Variants in GLIPR2 observed in about 807,000 individuals in gnomAD.
GLIPR2 encodes GLI pathogenesis related 2.
Under a neutral mutation model 20.4 loss-of-function variants are expected in GLIPR2, and 21 were observed. That is an observed-to-expected ratio of 1.03 (90% CI 0.73 to 1.48). GLIPR2 has a LOEUF of 1.48. Ranked by LOEUF, GLIPR2 falls within the 40% of genes most tolerant of loss-of-function variation. The pLI is 0.00. For synonymous variants in GLIPR2, 91 were observed against 80.5 expected (o/e 1.13, Z -0.70); for missense variants, 205 against 200.1 (o/e 1.02, Z -0.15).
rs577054523 is a variant in GLIPR2, at chr9:36,139,417, G to C, written c.13+2626G>C. 1.1e-4 allele frequency among the ~76,000 whole-genome samples: 16 copies of C among 152,160 alleles called. No individual in the cohort carries two copies. The South Asian group carries it at 2.3e-3, about 22-fold the overall frequency. ...TCCCCCACCCCAACCGGAAAACCGA[G>C]AGCCCCCAGAATAGTATTAATATCT... On this transcript the variant is annotated intron_variant, in intron 1 of 4. Transcript: ENST00000377960.
intron 1 of GLIPR2, among the ~76,000 whole-genome samples, chr9:36,141,587 G>C (rs1224857326): frequency 6.6e-6 from 1 of 152,174 alleles, no homozygotes; most frequent in African/African-American, 2.4e-5. Context: ...GGAAGATGCT[G>C]AGGGAAGAGC....
At chr9:36,145,460 G>A (rs1158666073) in intron 1 of GLIPR2, among the ~76,000 whole-genome samples, 1 of 152,338 alleles carries the variant, frequency 6.6e-6, no homozygotes, top group Non-Finnish European at 1.5e-5. Flanking sequence ...AGCAACACAT[G>A]GCTGACTTGT....
Position 36,163,137 on chromosome 9 carries a change from A to T in GLIPR2, c.*615A>T, listed in dbSNP as rs1278557147. The T allele has an allele frequency of 1.1e-5, 3 of 269,716 alleles. No individual in the cohort carries two copies. The highest frequency in any genetic ancestry group is 7.0e-5 in the African/African-American group (3 of 42,832). 16.7% of individuals were successfully genotyped at this position (269,716 alleles called of 1,614,324 possible). On this transcript the variant is annotated 3_prime_UTR_variant, in exon 5 of 5. Coordinates refer to ENST00000377960, the MANE Select transcript of GLIPR2 (RefSeq NM_022343.4). ...TTCTCCAATGGGGTCGCCAAACAAC[A>T]AATGGAGAAAAAAAGTTTTACTTCC...
rs147420185 is a variant in GLIPR2 at position 36,156,240 on chromosome 9, C to T, written c.304+5291C>T. ...ATTAAAAAATTAAAAAATTAAAAAA[C>T]TAGCTGGGTGTAGTGGCACGTGCCT... On this transcript the variant is annotated intron_variant, in intron 4 of 4. Coordinates refer to ENST00000377960, the MANE Select transcript of GLIPR2 (RefSeq NM_022343.4). 1.5e-4 allele frequency among the ~76,000 whole-genome samples: 22 copies of T among 151,146 alleles called. 1 individual carries two copies. In the East Asian group the frequency reaches 3.5e-3, roughly 24 times the overall value.
At chr9:36,162,179 G>GT in intron 4 of GLIPR2, 183 bp from the exon 5 acceptor site, 1 of 1,394,390 alleles carries the variant, frequency 7.2e-7, no homozygotes, top group South Asian at 1.4e-5. Context: ...CATCTTGGGG[G>GT]AAAAAAAAAG....
intron 1 of GLIPR2, among the ~76,000 whole-genome samples, chr9:36,142,053 TC>T (rs1825114240): frequency 6.6e-6 from 1 of 152,214 alleles, no homozygotes; most frequent in Admixed American, 6.5e-5. Context: ...TAACCTGCAC[TC>T]TGCAGTCCCT....
chr9:36,162,279 G>A (rs780148895), intron 4 of GLIPR2, 83 bp from the exon 5 acceptor site: 10 of 1,603,296 alleles, frequency 6.2e-6, no homozygotes, highest in Non-Finnish European at 8.5e-6. Flanking sequence ...GATGGTACAG[G>A]GGTTCAACAA....
At chr9:36,155,488 G>A (rs191554431) in intron 4 of GLIPR2, among the ~76,000 whole-genome samples, 54 of 152,298 alleles carry the variant, frequency 3.5e-4, no homozygotes, top group African/African-American at 1.3e-3. Flanking sequence ...CAGCTACTCA[G>A]GAGGCTGAGG....
At chr9:36,145,580 G>T (rs1042270467) in intron 1 of GLIPR2, among the ~76,000 whole-genome samples, 1 of 152,210 alleles carries the variant, frequency 6.6e-6, no homozygotes, top group South Asian at 2.1e-4. Context: ...AATGGTAGAT[G>T]TATGGATGAA....
In GLIPR2 at chr9:36,163,466, T is replaced by C. The variant is rs924844010; in HGVS notation, c.*944T>C. ...CAGAGGAAGCCCTCAGCCTCTGCCC[T>C]CCCCCCACACAGGGCGGGAGCCCAG... On this transcript the variant is annotated 3_prime_UTR_variant, in exon 5 of 5. Transcript: ENST00000377960. 7 of 154,492 alleles carry C rather than the reference T, an allele frequency of 4.5e-5. No individual in the cohort carries two copies. The highest frequency in any genetic ancestry group is 1.9e-4 in the East Asian group (1 of 5,218). 9.6% of individuals were successfully genotyped at this position (154,492 alleles called of 1,614,324 possible). A position where few individuals can be genotyped will look rare whatever the true frequency, so the allele number is the denominator to read the frequency against.
intron 4 of GLIPR2, among the ~76,000 whole-genome samples, chr9:36,158,148 C>T (rs185640002): frequency 6.6e-6 from 1 of 152,328 alleles, no homozygotes; most frequent in East Asian, 1.9e-4. Flanking sequence ...TTCAACCTCT[C>T]TGCTAGGAGC....
intron 1 of GLIPR2, chr9:36,141,989 C>T: frequency 4.8e-6 from 2 of 412,732 alleles, no homozygotes; most frequent in East Asian, 1.4e-4. Flanking sequence ...GAGCCAGGCC[C>T]AGGGCTTTTA....
Position 36,162,814 on chromosome 9 carries a change from A to G in GLIPR2, c.*292A>G. 2.1e-6 allele frequency: 1 copy of G among 483,958 alleles called. No individual in the cohort carries two copies. The highest frequency in any genetic ancestry group is 1.8e-5 in the South Asian group (1 of 57,072). 30.0% of individuals were successfully genotyped at this position (483,958 alleles called of 1,614,324 possible). A position where few individuals can be genotyped will look rare whatever the true frequency, so the allele number is the denominator to read the frequency against. On this transcript the variant is annotated 3_prime_UTR_variant, in exon 5 of 5. Coordinates refer to ENST00000377960, the MANE Select transcript of GLIPR2 (RefSeq NM_022343.4). ...TTTAATTTTTTGTTATTTCTAAGCA[A>G]ACCTCTTTTGTACTTTTCTTACTTC...
At chr9:36,156,639 C>T (rs992901765) in intron 4 of GLIPR2, among the ~76,000 whole-genome samples, 4 of 152,152 alleles carry the variant, frequency 2.6e-5, no homozygotes, top group African/African-American at 7.2e-5. Flanking sequence ...AGAACTGGGC[C>T]GCACAGCAGG....
At chr9:36,138,645 C>G (rs887208738) in intron 1 of GLIPR2, among the ~76,000 whole-genome samples, 1 of 152,212 alleles carries the variant, frequency 6.6e-6, no homozygotes, top group African/African-American at 2.4e-5. Flanking sequence ...CACTGTCTAG[C>G]AGCTCTGTAT....
In GLIPR2 at chr9:36,163,880, GACAATAAAATCTTTTTCTTTGTGTA is replaced by G. The variant is rs1259744610; in HGVS notation, c.*1360_*1384del. ...TTTCACCAGGGATATTGACTAAGAA[GACAATAAAATCTTTTTCTTTGTGTA>G]ATAACCTCCTCCAATGTGATTCATA... On this transcript the variant is annotated 3_prime_UTR_variant, in exon 5 of 5. Transcript: ENST00000377960. 1 of 152,682 alleles carries G rather than the reference GACAATAAAATCTTTTTCTTTGTGTA, an allele frequency of 6.5e-6. No homozygotes were observed. Among genetic ancestry groups the G allele is most frequent in the Non-Finnish European group, 1.5e-5 (1 of 68,060 alleles). The allele number at this position is 152,682 out of a possible 1,614,324, so 9.5% of individuals were successfully genotyped here.
In GLIPR2 at chr9:36,162,365, A is replaced by G. The variant is rs1280051035; in HGVS notation, c.308A>G (p.His103Arg). ...CCCTCTGCCCGTTCCCCTACAGGAC[A>G]CTTCACGGCCATGGTATGGAAGAAC... ...QQPGFTSGTG[H>R]FTAMVWKNTK... The change falls in exon 5 of 5, where the codon CAC becomes CGC. Residue 103 changes from histidine (H) to arginine (R), a missense_variant. Transcript: ENST00000377960. 2 of 1,611,042 alleles carry G rather than the reference A, an allele frequency of 1.2e-6. No individual in the cohort carries two copies. Among genetic ancestry groups the G allele is most frequent in the Middle Eastern group, 1.7e-4 (1 of 6,044 alleles).
At position 36,162,358 on chromosome 9, in the gene GLIPR2, A is replaced by G. The variant is rs761537850; in HGVS notation, c.305-4A>G. ...TCCCTCTCCCTCTGCCCGTTCCCCTACAGGACACTTCACGGCCATGGTATG... is the reference window on the plus strand; with the variant it reads ...TCCCTCTCCCTCTGCCCGTTCCCCTGCAGGACACTTCACGGCCATGGTATG... On this transcript the variant is annotated splice_region_variant and splice_polypyrimidine_tract_variant and intron_variant, in intron 4 of 4. Coordinates refer to ENST00000377960, the MANE Select transcript of GLIPR2 (RefSeq NM_022343.4). 4 of 1,610,582 alleles carry G rather than the reference A, an allele frequency of 2.5e-6. No individual in the cohort carries two copies. The highest frequency in any genetic ancestry group is 2.2e-5 in the South Asian group (2 of 90,986).
chr9:36,160,501 G>A (rs964887560), intron 4 of GLIPR2, among the ~76,000 whole-genome samples: 4 of 151,680 alleles, frequency 2.6e-5, no homozygotes, highest in Non-Finnish European at 4.4e-5. Context: ...AGAAAGAAGG[G>A]AAGAGAAGAG....
Sources: gnomAD v4.1 joint callset for allele counts (sites outside exome capture counted in the v4.1 genomes callset) on GRCh38, gnomAD v4.1.1 for gene constraint, MANE v1.5 for transcripts, NCBI Gene and HGNC (gene_info 2026-07-23, HGNC 2026-07-21) for gene names.